LRRTM4: variants seen among roughly 807,000 people sequenced by gnomAD.
The protein encoded by LRRTM4 is leucine-rich repeat transmembrane neuronal protein 4.
Under a neutral mutation model 47.6 loss-of-function variants are expected in LRRTM4, and 25 were observed. The ratio of observed to expected loss-of-function variants is 0.53; its 90% CI spans 0.38 to 0.73. The LOEUF is 0.73. LRRTM4 is among the 30% of genes least tolerant of loss of function. The pLI, the probability that LRRTM4 is intolerant of heterozygous loss-of-function variation, is 0.00. For synonymous variants in LRRTM4, 311 were observed against 269.5 expected (o/e 1.15, Z -1.51); for missense variants, 638 against 713.4 (o/e 0.89, Z 1.20).
chr2:77,440,534 A>G, intron 3 of LRRTM4, among the ~76,000 whole-genome samples: 1 of 152,220 alleles, frequency 6.6e-6, no homozygotes. Context: ...TTTGCAGTGA[A>G]AATAATTTTA....
intron 3 of LRRTM4, among the ~76,000 whole-genome samples, chr2:76,879,377 G>A (rs1672865530): frequency 6.6e-6 from 1 of 152,068 alleles, no homozygotes; most frequent in African/African-American, 2.4e-5. Context: ...AAATTTTAGG[G>A]CCATTAAGAA....
chr2:76,841,347 G>A (rs566810709), intron 3 of LRRTM4, among the ~76,000 whole-genome samples: 4 of 151,722 alleles, frequency 2.6e-5, no homozygotes, highest in African/African-American at 7.3e-5. Context: ...AATGGGTGCA[G>A]CACACCAACA....
intron 3 of LRRTM4, among the ~76,000 whole-genome samples, chr2:76,817,410 G>A (rs952677767): frequency 3.9e-5 from 6 of 152,002 alleles, no homozygotes; most frequent in Admixed American, 1.3e-4. Flanking sequence ...GCAAAGTGAA[G>A]TTGGGGTGAG....
chr2:76,979,177 G>A (rs1313147075), intron 3 of LRRTM4, among the ~76,000 whole-genome samples: 1 of 151,912 alleles, frequency 6.6e-6, no homozygotes, highest in Admixed American at 6.6e-5. Flanking sequence ...TCACATATCA[G>A]GCATTTCTTG....
chr2:76,772,929 G>T (rs1270683433), intron 3 of LRRTM4: 1 of 152,136 alleles, frequency 6.6e-6, no homozygotes, highest in Non-Finnish European at 1.5e-5. Flanking sequence ...ATATCACCCT[G>T]TATGCGCCTG....
chr2:76,939,919 T>C (rs1476895634), intron 3 of LRRTM4, among the ~76,000 whole-genome samples: 1 of 152,184 alleles, frequency 6.6e-6, no homozygotes, highest in African/African-American at 2.4e-5. Context: ...AATATGTTAC[T>C]GACAATTATT....
At chr2:77,405,955 C>T (rs543042598) in intron 3 of LRRTM4, among the ~76,000 whole-genome samples, 1 of 152,256 alleles carries the variant, frequency 6.6e-6, no homozygotes, top group East Asian at 1.9e-4. Context: ...AGGAACAGAA[C>T]TATGTCTTGT....
intron 3 of LRRTM4, among the ~76,000 whole-genome samples, chr2:76,809,332 G>A (rs1043969512): frequency 4.6e-5 from 7 of 152,020 alleles, no homozygotes; most frequent in Non-Finnish European, 1.0e-4. Flanking sequence ...TGTGGACTTT[G>A]ATGTTTGCAG....
intron 3 of LRRTM4, among the ~76,000 whole-genome samples, chr2:77,136,670 A>T (rs2103988578): frequency 6.6e-6 from 1 of 152,284 alleles, no homozygotes; most frequent in South Asian, 2.1e-4. Context: ...AGAGGATCAA[A>T]TTTCTCCGAG....
chr2:77,322,536 T>C (rs1677826020), intron 3 of LRRTM4, among the ~76,000 whole-genome samples: 1 of 151,858 alleles, frequency 6.6e-6, no homozygotes, highest in Admixed American at 6.6e-5. Context: ...CTATATCCAA[T>C]AAGGAGAAAA....
At chr2:77,070,766 G>T (rs1466030208) in intron 3 of LRRTM4, among the ~76,000 whole-genome samples, 1 of 152,012 alleles carries the variant, frequency 6.6e-6, no homozygotes, top group Non-Finnish European at 1.5e-5. Context: ...GAGTAGCTGG[G>T]ACTACAGGCA....
rs1313919215 is a variant in LRRTM4, at chr2:77,226,556, TATATATATATAC to T, written c.1551+291750_1551+291761del. 3.0e-5 allele frequency among the ~76,000 whole-genome samples: 4 copies of T among 131,422 alleles called. No individual in the cohort carries two copies. The East Asian group carries it at 9.4e-4, about 31-fold the overall frequency. 86.2% of individuals were successfully genotyped at this position (131,422 alleles called of 152,430 possible). Reference sequence around the variant, plus strand: ...TTATATACATATATATATATATATATATATATATATACTAGTGTCTAAAACAATTATTGCACT... The same window carrying T: ...TTATATACATATATATATATATATATTAGTGTCTAAAACAATTATTGCACT... On this transcript the variant is annotated intron_variant, in intron 3 of 3. Coordinates refer to ENST00000409884, the MANE Select transcript of LRRTM4 (RefSeq NM_001134745.3).
chr2:77,072,101 A>G (rs1247390495), intron 3 of LRRTM4, among the ~76,000 whole-genome samples: 1 of 152,146 alleles, frequency 6.6e-6, no homozygotes, highest in Non-Finnish European at 1.5e-5. Context: ...CATTAAAATA[A>G]AATTTATCTG....
intron 3 of LRRTM4, among the ~76,000 whole-genome samples, chr2:76,751,191 A>G (rs138228606): frequency 1.4e-3 from 208 of 152,320 alleles, no homozygotes; most frequent in African/African-American, 4.9e-3. Flanking sequence ...GCCTAGATAA[A>G]TTCCCATTCT....
At chr2:77,163,673 G>T (rs945979445) in intron 3 of LRRTM4, among the ~76,000 whole-genome samples, 1 of 152,144 alleles carries the variant, frequency 6.6e-6, no homozygotes, top group African/African-American at 2.4e-5. Context: ...TTAAAGAAAA[G>T]AATTTTCAAC....
intron 3 of LRRTM4, among the ~76,000 whole-genome samples, chr2:77,152,795 C>T (rs565341320): frequency 9.9e-5 from 15 of 152,062 alleles, no homozygotes; most frequent in Non-Finnish European, 2.1e-4. Context: ...TTAACCCCCA[C>T]CCTTTTTATT....
intron 3 of LRRTM4, among the ~76,000 whole-genome samples, chr2:76,873,800 T>C (rs544328664): frequency 2.4e-4 from 36 of 151,754 alleles, no homozygotes; most frequent in African/African-American, 8.5e-4. Context: ...TAGATTGATA[T>C]CTCAATCCTG....
intron 3 of LRRTM4, among the ~76,000 whole-genome samples, chr2:77,164,912 G>A (rs2103818586): frequency 6.6e-6 from 1 of 152,198 alleles, no homozygotes; most frequent in South Asian, 2.1e-4. Flanking sequence ...AACTAGAGAA[G>A]CAAGAGCAAA....
At chr2:77,145,105 A>G (rs569002001) in intron 3 of LRRTM4, among the ~76,000 whole-genome samples, 1 of 152,222 alleles carries the variant, frequency 6.6e-6, no homozygotes, top group African/African-American at 2.4e-5. Flanking sequence ...ATAGGAAGAT[A>G]CATAGATAAC....
Sources: gnomAD v4.1 joint callset for allele counts (sites outside exome capture counted in the v4.1 genomes callset) on GRCh38, gnomAD v4.1.1 for gene constraint, MANE v1.5 for transcripts, NCBI Gene and HGNC (gene_info 2026-07-23, HGNC 2026-07-21) for gene names.